CCDC7: variants seen among roughly 807,000 people sequenced by gnomAD.
CCDC7 encodes coiled-coil domain containing 7.
Under a neutral mutation model 196.9 loss-of-function variants are expected in CCDC7, and 183 were observed. That is an observed-to-expected ratio of 0.93 (90% CI 0.82 to 1.05). CCDC7 has a LOEUF of 1.05. Ranked by LOEUF, CCDC7 falls within the 50% of genes least tolerant of loss-of-function variation. The pLI is 0.00. For missense variants in CCDC7, 1,540 were observed against 1,482.2 expected, an observed-to-expected ratio of 1.04 and a Z score of -0.64; for synonymous variants, 525 against 484.6, an observed-to-expected ratio of 1.08 and a Z score of -1.10.
intron 30 of CCDC7, among the ~76,000 whole-genome samples, chr10:32,811,554 T>C (rs2087120821): frequency 6.6e-6 from 1 of 152,110 alleles, no homozygotes; most frequent in African/African-American, 2.4e-5. Flanking sequence ...TTAATAACAA[T>C]GTATTTTGTA....
chr10:32,675,998 C>G (rs903497039), intron 21 of CCDC7, among the ~76,000 whole-genome samples: 2 of 151,586 alleles, frequency 1.3e-5, no homozygotes, highest in African/African-American at 4.9e-5. Flanking sequence ...TACAAGGCTA[C>G]AGTAACCAAA....
At chr10:32,879,786 T>C (rs1271718119), downstream of CCDC7, among the ~76,000 whole-genome samples, 3 of 145,920 alleles carry the variant, frequency 2.1e-5, no homozygotes, top group East Asian at 6.5e-4. Context: ...CTCTCACTTA[T>C]AAGTGAGAAC....
intron 8 of CCDC7, among the ~76,000 whole-genome samples, chr10:32,475,969 C>T (rs984508293): frequency 6.6e-6 from 1 of 152,046 alleles, no homozygotes; most frequent in Non-Finnish European, 1.5e-5. Context: ...TAGTGCAGTC[C>T]CCCCATTCCC....
chr10:32,569,243 G>A (rs149278548), intron 15 of CCDC7, among the ~76,000 whole-genome samples: 6,303 of 152,254 alleles, frequency 0.041, 131 homozygotes, highest in Middle Eastern at 0.065. Context: ...TCTGGTAATA[G>A]TGAAACAGGA....
chr10:32,564,412 C>A (rs1389390355), intron 13 of CCDC7, among the ~76,000 whole-genome samples: 1 of 152,180 alleles, frequency 6.6e-6, no homozygotes, highest in African/African-American at 2.4e-5. Context: ...ACATGTCCAA[C>A]AACGATAGAC....
intron 18 of CCDC7, among the ~76,000 whole-genome samples, chr10:32,633,521 G>A (rs1037390073): frequency 6.6e-6 from 1 of 151,926 alleles, no homozygotes; most frequent in Admixed American, 6.6e-5. Context: ...AAAATATTTT[G>A]TGACTTTATT....
At chr10:32,882,365 G>A (rs1593829256) in intron 22 of CCDC7, among the ~76,000 whole-genome samples, 2 of 152,226 alleles carry the variant, frequency 1.3e-5, no homozygotes, top group East Asian at 1.9e-4. Flanking sequence ...AGAGATTCTC[G>A]CTAAACTGAC....
intron 13 of CCDC7, among the ~76,000 whole-genome samples, chr10:32,548,803 A>G (rs35668546): frequency 0.35 from 52,452 of 152,006 alleles, 11,455 homozygotes; most frequent in Non-Finnish European, 0.5. Context: ...TTCTTTATCC[A>G]CTTGTTGATT....
chr10:32,463,774 A>C (rs2036210983), intron 5 of CCDC7, among the ~76,000 whole-genome samples: 2 of 152,332 alleles, frequency 1.3e-5, no homozygotes, highest in South Asian at 4.1e-4. Flanking sequence ...AACTGTGACT[A>C]TATCCTAGCA....
intron 21 of CCDC7, among the ~76,000 whole-genome samples, chr10:32,675,044 C>T (rs975400471): frequency 3.4e-4 from 52 of 152,112 alleles, no homozygotes; most frequent in African/African-American, 1.2e-3. Flanking sequence ...CTTTTCTCAT[C>T]CTTTCAGCTT....
downstream of CCDC7, among the ~76,000 whole-genome samples, chr10:32,879,725 C>T (rs2094721146): frequency 7.0e-6 from 1 of 142,944 alleles, no homozygotes. Flanking sequence ...CCACAATAGG[C>T]CCCACTGTGT....
chr10:32,456,836 A>G (rs138505337), intron 3 of CCDC7, among the ~76,000 whole-genome samples: 1 of 152,154 alleles, frequency 6.6e-6, no homozygotes, highest in East Asian at 1.9e-4. Flanking sequence ...AATAGAATAC[A>G]CTTAATTTAT....
Position 32,560,211 on chromosome 10 carries a change from A to G in CCDC7, c.1135-5347A>G, listed in dbSNP as rs374298558. ...CTATGTCTGATTGGTGTACCTGAAAATGACAGGGAGAATGGAACCAAGTTG... is the reference window on the plus strand; with the variant it reads ...CTATGTCTGATTGGTGTACCTGAAAGTGACAGGGAGAATGGAACCAAGTTG... On this transcript the variant is annotated intron_variant, in intron 13 of 41. Coordinates refer to ENST00000639629, the Ensembl canonical transcript of CCDC7. Among the ~76,000 whole-genome samples, 6 of 152,334 alleles carry G rather than the reference A, an allele frequency of 3.9e-5. No homozygotes were observed. The South Asian group carries it at 1.0e-3, about 26-fold the overall frequency.
At chr10:32,483,507 C>A (rs1423377701) in intron 8 of CCDC7, among the ~76,000 whole-genome samples, 1 of 152,144 alleles carries the variant, frequency 6.6e-6, no homozygotes, top group Non-Finnish European at 1.5e-5. Context: ...TAATTCGATC[C>A]CATTTGTCAA....
At position 32,471,685 on chromosome 10, in the gene CCDC7, A is replaced by G. The variant is rs533781735; in HGVS notation, c.677+455A>G. Among the ~76,000 whole-genome samples, 9 of 152,322 alleles carry G rather than the reference A, an allele frequency of 5.9e-5. No homozygotes were observed. In the South Asian group the frequency reaches 1.9e-3, roughly 32 times the overall value. On this transcript the variant is annotated intron_variant, in intron 6 of 41. Coordinates refer to ENST00000639629, the Ensembl canonical transcript of CCDC7. ...ACAGCTTATCAAGTAAAATTTTTAC[A>G]TTTATAAGCAACCATGTTTTTGCAT...
At chr10:32,674,403 T>C (rs2074575449) in intron 21 of CCDC7, among the ~76,000 whole-genome samples, 1 of 152,108 alleles carries the variant, frequency 6.6e-6, no homozygotes, top group Non-Finnish European at 1.5e-5. Flanking sequence ...TTTCCATTTT[T>C]CTTTCATTAC....
chr10:32,571,802 G>A (rs1334078497), intron 15 of CCDC7, 57 bp from the exon 17 acceptor site: 4 of 1,441,470 alleles, frequency 2.8e-6, no homozygotes, highest in Admixed American at 2.6e-5. Flanking sequence ...CTAAATGACT[G>A]TAAACATTTC....
chr10:32,744,912 A>ATCTT (rs2074457281), intron 28 of CCDC7, among the ~76,000 whole-genome samples: 1 of 152,156 alleles, frequency 6.6e-6, no homozygotes, highest in Non-Finnish European at 1.5e-5. Flanking sequence ...TCACCTAGGA[A>ATCTT]TCTTTTATAT....
At chr10:32,638,769 C>G (rs1449285681) in intron 20 of CCDC7, among the ~76,000 whole-genome samples, 1 of 152,318 alleles carries the variant, frequency 6.6e-6, no homozygotes, top group African/African-American at 2.4e-5. Flanking sequence ...TGGATTCCCT[C>G]TTTTTCTATT....
Sources: gnomAD v4.1 joint callset for allele counts (sites outside exome capture counted in the v4.1 genomes callset) on GRCh38, gnomAD v4.1.1 for gene constraint, MANE v1.5 for transcripts, NCBI Gene and HGNC (gene_info 2026-07-23, HGNC 2026-07-21) for gene names.